SAXO4: variants seen among roughly 807,000 people sequenced by gnomAD.
SAXO4 encodes the protein protein phosphatase 1 regulatory subunit 32.
the SAXO4 span, chr11:61,484,759 G>A: frequency 6.2e-7 from 1 of 1,612,714 alleles, no homozygotes; most frequent in African/African-American, 1.3e-5. Flanking sequence ...CCAGGGAAGT[G>A]CCTCTGCTCC....
chr11:61,487,390 G>A, the SAXO4 span: 3 of 698,234 alleles, frequency 4.3e-6, no homozygotes, highest in East Asian at 5.3e-5. Flanking sequence ...GGATTGGAGT[G>A]CAAGCATGTT....
chr11:61,484,800 G>A, the SAXO4 span: 17 of 1,599,826 alleles, frequency 1.1e-5, no homozygotes, highest in African/African-American at 2.7e-5. Context: ...CCGCTGGAGC[G>A]GGAGAACTTC....
chr11:61,482,926 G>A, the SAXO4 span: 6 of 1,058,642 alleles, frequency 5.7e-6, no homozygotes, highest in African/African-American at 3.2e-5. Flanking sequence ...ACCTTGTAGG[G>A]ATGGGGTCCA....
At chr11:61,490,869 C>T in the SAXO4 span, 1 of 485,160 alleles carries the variant, frequency 2.1e-6, no homozygotes, top group Non-Finnish European at 3.7e-6. Flanking sequence ...CCACTCCATC[C>T]CCCAGGGGAA....
At chr11:61,486,942 C>G in the SAXO4 span, 2 of 1,612,722 alleles carry the variant, frequency 1.2e-6, no homozygotes, top group Non-Finnish European at 1.7e-6. Context: ...GTTCTGTGCC[C>G]TGCAGGTGCC....
At chr11:61,484,798 G>A in the SAXO4 span, 2 of 1,601,472 alleles carry the variant, frequency 1.2e-6, no homozygotes, top group Admixed American at 3.4e-5. Flanking sequence ...ACCCGCTGGA[G>A]CGGGAGAACT....
the SAXO4 span, chr11:61,487,288 A>G: frequency 2.0e-6 from 3 of 1,480,516 alleles, no homozygotes; most frequent in Admixed American, 3.3e-5. Context: ...TGAGAAACAG[A>G]CTGAGACTGG....
chr11:61,488,494 C>T, the SAXO4 span, among the ~76,000 whole-genome samples: 1 of 151,962 alleles, frequency 6.6e-6, no homozygotes, highest in African/African-American at 2.4e-5. Flanking sequence ...TTAGTAGAGA[C>T]AGGGTTTCAC....
the SAXO4 span, among the ~76,000 whole-genome samples, chr11:61,488,463 C>G: frequency 6.6e-6 from 1 of 152,048 alleles, no homozygotes; most frequent in African/African-American, 2.4e-5. Flanking sequence ...TGCCACCACG[C>G]CCGGCTACAT....
the SAXO4 span, chr11:61,487,366 A>C: frequency 1.2e-6 from 1 of 817,862 alleles, no homozygotes; most frequent in Non-Finnish European, 2.0e-6. Context: ...CCCCAGAAGC[A>C]TACCCTAAGC....
At chr11:61,489,503 C>T in the SAXO4 span, 36 of 575,832 alleles carry the variant, frequency 6.3e-5, no homozygotes, top group South Asian at 5.4e-4. Context: ...GTGGATGAGA[C>T]GGGGTCCCCA....
the SAXO4 span, chr11:61,490,533 A>G: frequency 6.2e-7 from 1 of 1,614,124 alleles, no homozygotes; most frequent in South Asian, 1.1e-5. Context: ...TTCTACCAGA[A>G]CACACCTCAC....
chr11:61,482,365 C>T, the SAXO4 span: 17 of 1,614,192 alleles, frequency 1.1e-5, no homozygotes, highest in Non-Finnish European at 1.4e-5. Flanking sequence ...GGCTACAAAT[C>T]AAATTTCCAG....
At chr11:61,486,313 G>C in the SAXO4 span, 1 of 1,611,872 alleles carries the variant, frequency 6.2e-7, no homozygotes, top group Non-Finnish European at 8.5e-7. Context: ...TGCCTCTGCG[G>C]GGCTGACATC....
the SAXO4 span, chr11:61,482,215 T>C: frequency 3.6e-6 from 4 of 1,105,626 alleles, no homozygotes; most frequent in East Asian, 2.4e-5. Context: ...CCCCTGTCAC[T>C]GTGACCCCTG....
chr11:61,490,664 C>A, the SAXO4 span: 1 of 1,324,538 alleles, frequency 7.5e-7, no homozygotes, highest in Non-Finnish European at 1.1e-6. Flanking sequence ...CTCTCAAGCC[C>A]TGGGTTAAGC....
At chr11:61,487,304 G>A in the SAXO4 span, 3 of 1,360,216 alleles carry the variant, frequency 2.2e-6, no homozygotes, top group South Asian at 1.2e-5. Flanking sequence ...ACTGGGATAA[G>A]TAATGAGCTC....
chr11:61,487,060 A>T, the SAXO4 span: 1 of 1,613,792 alleles, frequency 6.2e-7, no homozygotes. Context: ...GTGGGGAAAA[A>T]GGTGAGACTT....
the SAXO4 span, chr11:61,489,804 G>A: frequency 1.1e-5 from 18 of 1,613,814 alleles, no homozygotes; most frequent in Non-Finnish European, 1.5e-5. Context: ...CATCCCCAAG[G>A]GTCTAGACCA....
Sources: gnomAD v4.1 joint callset for allele counts (sites outside exome capture counted in the v4.1 genomes callset) on GRCh38, gnomAD v4.1.1 for gene constraint, MANE v1.5 for transcripts, NCBI Gene and HGNC (gene_info 2026-07-23, HGNC 2026-07-21) for gene names.